The following CFAP299 variants were observed in gnomAD, a reference collection of about 807,000 sequenced individuals.
CFAP299 encodes cilia- and flagella-associated protein 299.
Under a neutral mutation model 27.0 loss-of-function variants are expected in CFAP299, and 21 were observed. The ratio of observed to expected loss-of-function variants is 0.78; its 90% CI spans 0.55 to 1.12. The LOEUF is 1.12. Among genes scored for constraint, CFAP299 ranks in the 50% most tolerant of loss-of-function variants. The probability of loss-of-function intolerance (pLI) is 0.00; values close to 1 mark genes in which losing one functional copy is unlikely to be tolerated. For missense variants in CFAP299, 310 were observed against 276.6 expected, an observed-to-expected ratio of 1.12 and a Z score of -0.86; for synonymous variants, 104 against 98.1, an observed-to-expected ratio of 1.06 and a Z score of -0.36.
chr4:80,771,443 C>T lies in CFAP299; in HGVS notation c.334-98550C>T, dbSNP rs377201258. 1.8e-4 allele frequency among the ~76,000 whole-genome samples: 27 copies of T among 152,194 alleles called. No homozygotes were observed. In the East Asian group the frequency reaches 4.3e-3, roughly 24 times the overall value. ...GTAAAATTAATGTAGCTAAATTTTT[C>T]TCATAATTCTGTTGAATAAAATCAT... On this transcript the variant is annotated intron_variant, in intron 3 of 5. Transcript: ENST00000358105.
chr4:80,763,854 G>A (rs916437297), intron 3 of CFAP299, among the ~76,000 whole-genome samples: 2 of 152,156 alleles, frequency 1.3e-5, no homozygotes, highest in African/African-American at 4.8e-5. Context: ...AAGCAGTGGG[G>A]AAAGGATTCC....
intron 3 of CFAP299, among the ~76,000 whole-genome samples, chr4:80,758,176 C>T (rs755455056): frequency 6.6e-6 from 1 of 152,162 alleles, no homozygotes; most frequent in Non-Finnish European, 1.5e-5. Context: ...AATGAGGTCT[C>T]ACAAATGAAT....
chr4:80,666,140 A>G (rs1218653590), intron 3 of CFAP299, among the ~76,000 whole-genome samples: 1 of 152,186 alleles, frequency 6.6e-6, no homozygotes. Context: ...GATTATTTCT[A>G]TAGCATTTGA....
intron 2 of CFAP299, among the ~76,000 whole-genome samples, chr4:80,452,577 A>G (rs1243284230): frequency 6.6e-6 from 1 of 152,188 alleles, no homozygotes; most frequent in Non-Finnish European, 1.5e-5. Context: ...GATGATAGAA[A>G]TTCAATGCCT....
At chr4:80,644,054 G>C (rs555212929) in intron 3 of CFAP299, among the ~76,000 whole-genome samples, 1 of 152,098 alleles carries the variant, frequency 6.6e-6, no homozygotes, top group Admixed American at 6.6e-5. Flanking sequence ...CCACCCTGGG[G>C]AATACTGTGT....
upstream of CFAP299, among the ~76,000 whole-genome samples, chr4:80,335,380 T>C (rs1427042951): frequency 3.3e-5 from 5 of 152,220 alleles, no homozygotes; most frequent in South Asian, 2.1e-4. Flanking sequence ...TTTGAGACAG[T>C]CTTTTTGCAA....
chr4:80,426,829 C>G (rs2969270), intron 2 of CFAP299, among the ~76,000 whole-genome samples: 1 of 152,186 alleles, frequency 6.6e-6, no homozygotes, highest in East Asian at 1.9e-4. Flanking sequence ...TTCCTGTTAC[C>G]TATGACTCTG....
intron 3 of CFAP299, among the ~76,000 whole-genome samples, chr4:80,822,396 GA>G (rs542519665): frequency 9.7e-4 from 148 of 152,244 alleles, no homozygotes; most frequent in African/African-American, 3.3e-3. Flanking sequence ...GTTAGTGATA[GA>G]TCAAGGGTAA....
At chr4:80,607,470 G>A (rs1205122652) in intron 3 of CFAP299, among the ~76,000 whole-genome samples, 3 of 151,750 alleles carry the variant, frequency 2.0e-5, no homozygotes, top group Non-Finnish European at 4.4e-5. Context: ...GAGAGAGAAA[G>A]TAAGAAAAAG....
intron 2 of CFAP299, among the ~76,000 whole-genome samples, chr4:80,455,650 T>C (rs1333291050): frequency 3.3e-5 from 5 of 152,168 alleles, no homozygotes; most frequent in Non-Finnish European, 7.4e-5. Flanking sequence ...AAAAAAGATA[T>C]TGAGTGACCT....
chr4:80,837,479 CCT>C (rs1354487857), intron 3 of CFAP299, among the ~76,000 whole-genome samples: 1 of 152,104 alleles, frequency 6.6e-6, no homozygotes, highest in Non-Finnish European at 1.5e-5. Flanking sequence ...TGTTCCCCTC[CCT>C]GTGTCCATGT....
chr4:80,681,346 T>G (rs1345121000), intron 3 of CFAP299, among the ~76,000 whole-genome samples: 5 of 151,648 alleles, frequency 3.3e-5, no homozygotes, highest in Non-Finnish European at 7.4e-5. Flanking sequence ...TAACGAAGGA[T>G]GAAAGACAAG....
intron 4 of CFAP299, among the ~76,000 whole-genome samples, chr4:80,917,935 A>G (rs1735844772): frequency 1.3e-5 from 2 of 152,172 alleles, no homozygotes; most frequent in Admixed American, 1.3e-4. Context: ...CAAATGGTTT[A>G]TATGTAGATA....
intron 5 of CFAP299, among the ~76,000 whole-genome samples, chr4:80,962,649 T>C (rs909815170): frequency 2.6e-5 from 4 of 151,994 alleles, no homozygotes; most frequent in Admixed American, 6.6e-5. Context: ...ACCCACTTTT[T>C]TGTTTAGCAC....
intron 3 of CFAP299, among the ~76,000 whole-genome samples, chr4:80,851,958 A>T (rs1731552210): frequency 6.6e-6 from 1 of 152,146 alleles, no homozygotes. Flanking sequence ...GTACTACTAA[A>T]TGTGTGTCAG....
intron 5 of CFAP299, among the ~76,000 whole-genome samples, chr4:80,954,814 A>G (rs1437378328): frequency 1.3e-5 from 2 of 151,804 alleles, no homozygotes; most frequent in East Asian, 1.9e-4. Context: ...CCTGGCTAAC[A>G]AGGGGAAACG....
At chr4:80,410,759 T>A (rs2110060476) in intron 2 of CFAP299, among the ~76,000 whole-genome samples, 1 of 152,326 alleles carries the variant, frequency 6.6e-6, no homozygotes. Flanking sequence ...CTTTCACAGA[T>A]AACGAAATAG....
intron 3 of CFAP299, among the ~76,000 whole-genome samples, chr4:80,620,987 T>G (rs1271395903): frequency 1.3e-5 from 2 of 152,114 alleles, no homozygotes; most frequent in East Asian, 3.8e-4. Context: ...TACTTCCAAG[T>G]TCCGCACTTA....
intron 2 of CFAP299, among the ~76,000 whole-genome samples, chr4:80,389,856 A>G (rs1428120868): frequency 6.6e-6 from 1 of 152,174 alleles, no homozygotes; most frequent in Non-Finnish European, 1.5e-5. Context: ...GAATTTTAAG[A>G]AAGTGCCTAA....
Sources: gnomAD v4.1 joint callset for allele counts (sites outside exome capture counted in the v4.1 genomes callset) on GRCh38, gnomAD v4.1.1 for gene constraint, MANE v1.5 for transcripts, NCBI Gene and HGNC (gene_info 2026-07-23, HGNC 2026-07-21) for gene names.